Variants in PLAGL1 observed in about 807,000 individuals in gnomAD.
The protein encoded by PLAGL1 is zinc finger protein PLAGL1.
PLAGL1 carries 1 observed loss-of-function variant against 4.6 expected under a neutral mutation model. That is an observed-to-expected ratio of 0.22 (90% CI 0.08 to 1.03). PLAGL1 has a LOEUF of 1.03. PLAGL1 is among the 50% of genes least tolerant of loss of function. The probability of loss-of-function intolerance (pLI) is 0.58; values close to 1 mark genes in which losing one functional copy is unlikely to be tolerated. For missense variants in PLAGL1, 464 were observed against 570.4 expected, an observed-to-expected ratio of 0.81 and a Z score of 1.90; for synonymous variants, 240 against 237.8, an observed-to-expected ratio of 1.01 and a Z score of -0.08.
chr6:143,941,734 A>G lies in PLAGL1; in HGVS notation c.1082T>C (p.Leu361Pro). ...AGCATCTGCAGGCAGCTCCTTGGGC[A>G]GGTTTACTTTACCAGCATTTCCCTT... ...LAKGNAGKVNLPKELPADAVN... is the reference protein window; with the variant it reads ...LAKGNAGKVNPPKELPADAVN... The change falls in exon 8 of 8, where the codon CTG (leucine) becomes CCG (proline). Residue 361 changes from leucine (L) to proline (P), a missense_variant. Physicochemically the swap from Leu to Pro is moderately conservative, Grantham distance 98. Around this residue, in one of 4 missense-constraint regions of PLAGL1, gnomAD observed 248 missense variants for 250.1 expected, o/e 0.99. Coordinates refer to ENST00000674357, the MANE Select transcript of PLAGL1 (RefSeq NM_001317162.2). This position sits in a 1 kb window ranked among gnomAD's most constrained non-coding sequence, Gnocchi z 6.0. 1.2e-6 allele frequency: 2 copies of G among 1,614,218 alleles called. No individual in the cohort carries two copies. Among genetic ancestry groups the G allele is most frequent in the Non-Finnish European group, 1.7e-6 (2 of 1,180,032 alleles).
rs1054544530 is a variant in PLAGL1 at position 143,950,809 on chromosome 6, A to G, written c.-324-2349T>C. Among the ~76,000 whole-genome samples, 6 of 152,196 alleles carry G rather than the reference A, an allele frequency of 3.9e-5. No homozygotes were observed. The highest frequency in any genetic ancestry group is 1.4e-4 in the African/African-American group (6 of 41,446). On this transcript the variant is annotated intron_variant, in intron 6 of 7. Coordinates refer to ENST00000674357, the MANE Select transcript of PLAGL1 (RefSeq NM_001317162.2). The surrounding 1 kb of genome is among the most constrained non-coding windows in gnomAD (Gnocchi z 6.3). ...GGCATGTCCAACAGAACTTTCTGCA[A>G]TGATGGAAATGTTACAGATGTGATG... is the stretch of plus-strand genomic sequence containing the variant.
chr6:143,953,440 C>A lies in PLAGL1; in HGVS notation c.-324-4980G>T, dbSNP rs998861246. ...AAGAAAGACAAAGTGAATTATTTCT[C>A]TAATATTCAGGGAAAAAATTGAGAA... On this transcript the variant is annotated intron_variant, in intron 6 of 7. Coordinates refer to ENST00000674357, the MANE Select transcript of PLAGL1 (RefSeq NM_001317162.2). The surrounding 1 kb of genome is among the most constrained non-coding windows in gnomAD (Gnocchi z 5.3). Among the ~76,000 whole-genome samples, 3 of 152,182 alleles carry A rather than the reference C, an allele frequency of 2.0e-5. No individual in the cohort carries two copies. Among genetic ancestry groups the A allele is most frequent in the Non-Finnish European group, 4.4e-5 (3 of 68,034 alleles).
chr6:143,968,015 A>T lies in PLAGL1; in HGVS notation c.-472+892T>A, dbSNP rs1327831120. 1 of 150,922 alleles carries T rather than the reference A, an allele frequency of 6.6e-6. No individual in the cohort carries two copies. The highest frequency in any genetic ancestry group is 1.9e-4 in the East Asian group (1 of 5,176). 9.3% of individuals were successfully genotyped at this position (150,922 alleles called of 1,614,324 possible). ...CATTTTGCAAAAAAAAAAAAAAAAAAAAACAGTCTGGAGAGAGGCCAAGAG... is the reference window on the plus strand; with the variant it reads ...CATTTTGCAAAAAAAAAAAAAAAAATAAACAGTCTGGAGAGAGGCCAAGAG... On this transcript the variant is annotated intron_variant, in intron 3 of 7. Coordinates refer to ENST00000674357, the MANE Select transcript of PLAGL1 (RefSeq NM_001317162.2). This position sits in a 1 kb window ranked among gnomAD's most constrained non-coding sequence, Gnocchi z 6.3.
intron 1 of PLAGL1, among the ~76,000 whole-genome samples, chr6:144,052,826 T>A (rs1036910228): frequency 2.6e-5 from 4 of 152,192 alleles, no homozygotes; most frequent in East Asian, 3.8e-4. Context: ...AGAAATTCTA[T>A]CAACAATGTG....
Position 143,941,693 on chromosome 6 carries a change from G to C in PLAGL1, c.1123C>G (p.Pro375Ala). The C allele has an allele frequency of 6.2e-7, 1 of 1,614,252 alleles. No individual in the cohort carries two copies. Among genetic ancestry groups the C allele is most frequent in the Non-Finnish European group, 8.5e-7 (1 of 1,180,026 alleles). The change falls in exon 8 of 8, where the codon CCT becomes GCT. Residue 375 changes from proline (P) to alanine (A), a missense_variant. This residue lies in a region of PLAGL1 where 248 missense variants were observed against 250.1 expected (regional missense o/e 0.99). Coordinates refer to ENST00000674357, the MANE Select transcript of PLAGL1 (RefSeq NM_001317162.2). This position sits in a 1 kb window ranked among gnomAD's most constrained non-coding sequence, Gnocchi z 6.0. ...LPADAVNLTI[P>A]ASLDLSPLLG... ...AGGGGGGACAGGTCCAGAGAGGCAG[G>C]TATTGTTAGGTTCACAGCATCTGCA...
Position 144,000,836 on chromosome 6 carries a change from A to C in PLAGL1, c.-584+7254T>G, listed in dbSNP as rs1272691345. ...TTTAATACTTGCAAAGTTCTAAGAA[A>C]TACTGGAAAAACATCCTTTAAAATG... On this transcript the variant is annotated intron_variant, in intron 1 of 7. Transcript: ENST00000674357. This position sits in a 1 kb window ranked among gnomAD's most constrained non-coding sequence, Gnocchi z 4.1. Among the ~76,000 whole-genome samples the C allele has an allele frequency of 1.3e-5, 2 of 152,196 alleles. No homozygotes were observed. Among genetic ancestry groups the C allele is most frequent in the East Asian group, 3.8e-4 (2 of 5,204 alleles).
At position 144,064,148 on chromosome 6, in the gene PLAGL1, C is replaced by T. The variant is rs1199909004; in HGVS notation, c.-151+320G>A. Among the ~76,000 whole-genome samples the T allele has an allele frequency of 1.3e-5, 2 of 152,080 alleles. No individual in the cohort carries two copies. Among genetic ancestry groups the T allele is most frequent in the African/African-American group, 2.4e-5 (1 of 41,418 alleles). On this transcript the variant is annotated intron_variant, in intron 1 of 3. Transcript: ENST00000437412. The surrounding 1 kb of genome is among the most constrained non-coding windows in gnomAD (Gnocchi z 6.8). The stretch of plus-strand genomic sequence containing the variant: ...GCGCTAGGTGGCGGCTGTTCAGCTC[C>T]CACGTCACCCGGCCCGCCCTCCGCC...
chr6:143,957,057 C>T lies in PLAGL1; in HGVS notation c.-325+3412G>A, dbSNP rs762253915. On this transcript the variant is annotated intron_variant, in intron 6 of 7. Coordinates refer to ENST00000674357, the MANE Select transcript of PLAGL1 (RefSeq NM_001317162.2). The surrounding 1 kb of genome is among the most constrained non-coding windows in gnomAD (Gnocchi z 4.2). The stretch of plus-strand genomic sequence containing the variant: ...CCAGTATAGTACCCACCAGGGGGAA[C>T]GGAGGAAAAGAAATATTGTTGCAGA... 7.6e-4 allele frequency among the ~76,000 whole-genome samples: 115 copies of T among 152,310 alleles called. No individual in the cohort carries two copies. The highest frequency in any genetic ancestry group is 3.4e-3 in the Middle Eastern group (1 of 294).
Position 144,053,291 on chromosome 6 carries a change from T to G in PLAGL1, c.-151+11177A>C. Among the ~76,000 whole-genome samples, 1 of 152,162 alleles carries G rather than the reference T, an allele frequency of 6.6e-6. No homozygotes were observed. Among genetic ancestry groups the G allele is most frequent in the Non-Finnish European group, 1.5e-5 (1 of 68,030 alleles). On this transcript the variant is annotated intron_variant, in intron 1 of 3. Transcript: ENST00000437412. This position sits in a 1 kb window ranked among gnomAD's most constrained non-coding sequence, Gnocchi z 4.0. ...CTGGGATTACAGGCATGCACCATCA[T>G]GCCGAGCTAATTTTTGTATTTTTAG...
chr6:144,052,598 G>A (rs1387272266), intron 1 of PLAGL1, among the ~76,000 whole-genome samples: 2 of 152,082 alleles, frequency 1.3e-5, no homozygotes, highest in Non-Finnish European at 2.9e-5. Flanking sequence ...TTGTTCATAT[G>A]GTTGCAAACA....
At chr6:143,993,796 G>A (rs969818264) in intron 1 of PLAGL1, among the ~76,000 whole-genome samples, 94 of 152,232 alleles carry the variant, frequency 6.2e-4, no homozygotes, top group African/African-American at 2.2e-3. Flanking sequence ...TGAAAACCAG[G>A]ACTCATGCAT....
chr6:143,940,598 A>T lies in PLAGL1; in HGVS notation c.*826T>A, dbSNP rs1472545490. 8 of 152,290 alleles carry T rather than the reference A, an allele frequency of 5.3e-5. No individual in the cohort carries two copies. The highest frequency in any genetic ancestry group is 1.2e-4 in the Non-Finnish European group (8 of 68,012). The allele number at this position is 152,290 out of a possible 1,614,324, so 9.4% of individuals were successfully genotyped here. A position where few individuals can be genotyped will look rare whatever the true frequency, so the allele number is the denominator to read the frequency against. On this transcript the variant is annotated 3_prime_UTR_variant, in exon 8 of 8. Coordinates refer to ENST00000674357, the MANE Select transcript of PLAGL1 (RefSeq NM_001317162.2). The stretch of plus-strand genomic sequence containing the variant: ...GACAGAGCAAAGAAAATTCTTGTTT[A>T]ATATATATATATTTTTAATTCCAGT...
chr6:144,046,502 G>A (rs917743037), intron 1 of PLAGL1, among the ~76,000 whole-genome samples: 17 of 152,182 alleles, frequency 1.1e-4, no homozygotes, highest in African/African-American at 4.1e-4. Flanking sequence ...GTTTGCCTGG[G>A]TGTCACCAGC....
chr6:143,981,921 T>C (rs1788037118), intron 2 of PLAGL1, among the ~76,000 whole-genome samples: 5 of 152,172 alleles, frequency 3.3e-5, no homozygotes, highest in South Asian at 2.1e-4. Context: ...TTGTGGGATA[T>C]ATATGGTGGA....
Position 144,064,455 on chromosome 6 carries a change from CT to C in PLAGL1, c.-151+12del. On this transcript the variant is annotated intron_variant, in intron 1 of 3. Coordinates refer to the PLAGL1 transcript ENST00000437412. The surrounding 1 kb of genome is among the most constrained non-coding windows in gnomAD (Gnocchi z 6.8). ...TCTCGCTCGCCCCTGCCTCACCTGC[CT>C]TTCCTACCTACCCGCCGCCAAGTTT... is the stretch of plus-strand genomic sequence containing the variant. 1 of 152,716 alleles carries C rather than the reference CT, an allele frequency of 6.5e-6. No individual in the cohort carries two copies. The highest frequency in any genetic ancestry group is 1.5e-5 in the Non-Finnish European group (1 of 68,366). The allele number at this position is 152,716 out of a possible 1,614,324, so 9.5% of individuals were successfully genotyped here. A position where few individuals can be genotyped will look rare whatever the true frequency, so the allele number is the denominator to read the frequency against.
At chr6:143,951,591 C>T (rs1274640597) in intron 6 of PLAGL1, among the ~76,000 whole-genome samples, 1 of 152,236 alleles carries the variant, frequency 6.6e-6, no homozygotes, top group Non-Finnish European at 1.5e-5. Flanking sequence ...GATCTCTTTC[C>T]AGCCACTTCT....
In PLAGL1 at chr6:143,965,505, G is replaced by T. The variant is rs1283618455; in HGVS notation, c.-431+653C>A. 1 of 152,224 alleles carries T rather than the reference G, an allele frequency of 6.6e-6. No homozygotes were observed. The highest frequency in any genetic ancestry group is 2.4e-5 in the African/African-American group (1 of 41,440). The allele number at this position is 152,224 out of a possible 1,614,324, so 9.4% of individuals were successfully genotyped here. A position where few individuals can be genotyped will look rare whatever the true frequency, so the allele number is the denominator to read the frequency against. On this transcript the variant is annotated intron_variant, in intron 4 of 7. Transcript: ENST00000674357. The surrounding 1 kb of genome is among the most constrained non-coding windows in gnomAD (Gnocchi z 7.5). Reference sequence around the variant, plus strand: ...TCAAGGGAGAAGATGACCTGGGAAAGGAGTTGCCCAGGGAGCAAGTGCCCT... The same window carrying T: ...TCAAGGGAGAAGATGACCTGGGAAATGAGTTGCCCAGGGAGCAAGTGCCCT...
chr6:144,026,989 A>G (rs1253048019), intron 1 of PLAGL1, among the ~76,000 whole-genome samples: 1 of 152,066 alleles, frequency 6.6e-6, no homozygotes, highest in Admixed American at 6.6e-5. Context: ...AGGCAGGAGG[A>G]TCACTTGAGT....
rs1054495209 is a variant in PLAGL1 at position 144,064,059 on chromosome 6, G to C, written c.-151+409C>G. 6.6e-6 allele frequency among the ~76,000 whole-genome samples: 1 copy of C among 152,120 alleles called. No homozygotes were observed. The highest frequency in any genetic ancestry group is 1.5e-5 in the Non-Finnish European group (1 of 67,996). On this transcript the variant is annotated intron_variant, in intron 1 of 3. Transcript: ENST00000437412. The surrounding 1 kb of genome is among the most constrained non-coding windows in gnomAD (Gnocchi z 6.8). ...CGCAGACAGCCCCGCCCCCAGCCTC[G>C]GAGAGCACAGGACCCGGGAGGCGGC...
Sources: allele counts gnomAD v4.1 joint callset (sites outside exome capture counted in the v4.1 genomes callset), GRCh38; gene constraint gnomAD v4.1.1; regional missense constraint gnomAD v4.1.1; non-coding constraint Gnocchi (gnomAD v3.1); transcripts MANE v1.5; gene names NCBI Gene and HGNC (gene_info 2026-07-23, HGNC 2026-07-21).